The following TOR1AIP2 variants were observed in gnomAD, a reference collection of about 807,000 sequenced individuals.
TOR1AIP2 encodes the protein torsin 1A interacting protein 2.
In TOR1AIP2, 20 loss-of-function variants were observed where a neutral mutation model predicts 32.6. The observed-to-expected ratio is 0.61, with a 90% CI of 0.43 to 0.89. TOR1AIP2 has a LOEUF of 0.89. Among genes scored for constraint, TOR1AIP2 ranks in the 40% least tolerant of loss-of-function variants. The pLI is 0.00. For missense variants in TOR1AIP2, 456 were observed against 553.8 expected (o/e 0.82, Z 1.77); for synonymous variants, 214 against 210.8 (o/e 1.02, Z -0.13).
chr1:179,852,309 T>C (rs17279483), intron 4 of TOR1AIP2, among the ~76,000 whole-genome samples: 20,446 of 151,712 alleles, frequency 0.13, 1,741 homozygotes, highest in Non-Finnish European at 0.17. Flanking sequence ...AGATACCTTC[T>C]AAATATAGCA....
Position 179,851,024 on chromosome 1 carries a change from A to C in TOR1AIP2, c.374T>G (p.Val125Gly). The C allele has an allele frequency of 3.1e-6, 5 of 1,614,024 alleles. No individual in the cohort carries two copies. The highest frequency in any genetic ancestry group is 4.2e-6 in the Non-Finnish European group (5 of 1,179,986). Residue 125 changes from valine (V) to glycine (G), a missense_variant, in exon 5 of 7, where the codon GTA (valine) becomes GGA (glycine). Physicochemically the swap from Val to Gly is moderately radical, Grantham distance 109 (BLOSUM62 -3). Coordinates refer to ENST00000609928, the MANE Select transcript of TOR1AIP2 (RefSeq NM_001199260.2). ...PDPSHSPSDK[V>G]GRADAHLGSS... is the part of the protein sequence containing the mutation. Reference sequence around the variant, plus strand: ...CCCTAAGTGTGCATCTGCTCTTCCTACCTTGTCACTTGGAGAATGGCTGGG... The same window carrying C: ...CCCTAAGTGTGCATCTGCTCTTCCTCCCTTGTCACTTGGAGAATGGCTGGG...
intron 3 of TOR1AIP2, among the ~76,000 whole-genome samples, chr1:179,857,393 T>C (rs1377877699): frequency 6.6e-6 from 1 of 152,212 alleles, no homozygotes; most frequent in Non-Finnish European, 1.5e-5. Flanking sequence ...TCTCCATTTA[T>C]GGAGAACCTA....
chr1:179,871,298 C>G (rs1697002168), intron 2 of TOR1AIP2, among the ~76,000 whole-genome samples: 1 of 152,064 alleles, frequency 6.6e-6, no homozygotes, highest in East Asian at 1.9e-4. Context: ...TGTATGTAAA[C>G]TAAAATAAAT....
chr1:179,858,422 A>G (rs1021437755), intron 3 of TOR1AIP2, among the ~76,000 whole-genome samples: 1 of 151,824 alleles, frequency 6.6e-6, no homozygotes, highest in Non-Finnish European at 1.5e-5. Context: ...CTGTACACAT[A>G]AAGTTTCCTT....
intron 3 of TOR1AIP2, chr1:179,859,062 C>A: frequency 1.0e-6 from 1 of 983,472 alleles, no homozygotes; most frequent in Non-Finnish European, 1.2e-6. Context: ...TTTTTAAACA[C>A]AATTTTATTT....
At chr1:179,865,220 G>A (rs1421464059) in intron 3 of TOR1AIP2, 2 of 1,543,850 alleles carry the variant, frequency 1.3e-6, no homozygotes, top group East Asian at 2.3e-5. Context: ...GACAGCAAGA[G>A]ACAACAGTGA....
intron 3 of TOR1AIP2, chr1:179,863,931 C>A: frequency 2.0e-6 from 2 of 985,358 alleles, no homozygotes; most frequent in Non-Finnish European, 2.4e-6. Context: ...CTCCTTAGTT[C>A]TAAGAAAGAT....
intron 2 of TOR1AIP2, among the ~76,000 whole-genome samples, chr1:179,872,032 C>CT (rs1697028964): frequency 6.6e-6 from 1 of 152,160 alleles, no homozygotes; most frequent in Non-Finnish European, 1.5e-5. Flanking sequence ...ATCTTCAGTA[C>CT]TATTTAGTAC....
chr1:179,850,008 C>T (rs1326955474), intron 5 of TOR1AIP2, among the ~76,000 whole-genome samples: 1 of 152,178 alleles, frequency 6.6e-6, no homozygotes, highest in African/African-American at 2.4e-5. Flanking sequence ...ATGAACAGAA[C>T]ATCTTATATT....
intron 2 of TOR1AIP2, among the ~76,000 whole-genome samples, chr1:179,876,988 AT>A (rs11359156): frequency 0.31 from 44,834 of 146,792 alleles, 7,113 homozygotes; most frequent in Non-Finnish European, 0.37. Context: ...TTTAGCACCA[AT>A]TTTTTTTTTT....
rs1696172817 is a variant in TOR1AIP2 at position 179,852,983 on chromosome 1, GAA to G, written c.-146-174_-146-173del. Among the ~76,000 whole-genome samples the G allele has an allele frequency of 2.0e-5, 3 of 152,100 alleles. No individual in the cohort carries two copies. In the South Asian group the frequency reaches 6.2e-4, roughly 32 times the overall value. On this transcript the variant is annotated intron_variant, in intron 3 of 6. Transcript: ENST00000609928. ...ATCATATTCCAAATCCTAGACTACT[GAA>G]AAAAGCTCCAGATTATTAATCTTTC...
At chr1:179,852,876 G>T in intron 3 of TOR1AIP2, 65 bp from the exon 4 acceptor site, 1 of 1,162,534 alleles carries the variant, frequency 8.6e-7, no homozygotes, top group Non-Finnish European at 1.1e-6. Context: ...GCAAGTATCA[G>T]CTTTATTTAT....
Position 179,846,408 on chromosome 1 carries a change from T to TGGC in TOR1AIP2, c.1073_1075dup (p.Gly358_Gln359insArg). The TGGC allele has an allele frequency of 6.2e-7, 1 of 1,614,178 alleles. No homozygotes were observed. Among genetic ancestry groups the TGGC allele is most frequent in the Admixed American group, 1.7e-5 (1 of 60,024 alleles). On this transcript the variant is annotated inframe_insertion, in exon 7 of 7. Transcript: ENST00000609928. Reference sequence around the variant, plus strand: ...GAAGTGGTGTACCACAGCAGCCTTCTGGCCATTCTCAAACCCATAGCTCAG... The same window carrying TGGC: ...GAAGTGGTGTACCACAGCAGCCTTCTGGCGGCCATTCTCAAACCCATAGCTCAG...
intron 3 of TOR1AIP2, chr1:179,862,421 A>G: frequency 1.0e-6 from 1 of 985,330 alleles, no homozygotes; most frequent in Admixed American, 6.1e-5. Context: ...TTAGTGATAA[A>G]CTAACTAGTC....
chr1:179,861,694 C>A (rs941712629), intron 3 of TOR1AIP2: 3 of 985,206 alleles, frequency 3.0e-6, no homozygotes, highest in Non-Finnish European at 3.6e-6. Context: ...TTTACATAGC[C>A]AGTATTACCA....
intron 3 of TOR1AIP2, chr1:179,861,921 A>G: frequency 1.0e-6 from 1 of 961,004 alleles, no homozygotes; most frequent in Non-Finnish European, 1.2e-6. Context: ...GCTGGTCTTG[A>G]ACTCCTGGGC....
In TOR1AIP2 at chr1:179,842,209, A is replaced by G. The variant is rs1695742974; in HGVS notation, c.*3862T>C. 1 of 152,124 alleles carries G rather than the reference A, an allele frequency of 6.6e-6. No individual in the cohort carries two copies. The highest frequency in any genetic ancestry group is 1.5e-5 in the Non-Finnish European group (1 of 68,042). 9.4% of individuals were successfully genotyped at this position (152,124 alleles called of 1,614,324 possible). ...AAGAGTGAAACTCTGTCTCAAAAAA[A>G]AAAAAAGGCTGTTAAAGGGTCAAAA... On this transcript the variant is annotated 3_prime_UTR_variant, in exon 7 of 7. Coordinates refer to ENST00000609928, the MANE Select transcript of TOR1AIP2 (RefSeq NM_001199260.2).
At chr1:179,874,970 C>A in intron 2 of TOR1AIP2, 1 of 153,544 alleles carries the variant, frequency 6.5e-6, no homozygotes, top group Non-Finnish European at 1.4e-5. Context: ...TGGTGTTTCT[C>A]TCTCTCTCTC....
At chr1:179,864,293 C>T (rs1367728706) in intron 3 of TOR1AIP2, 1 of 985,230 alleles carries the variant, frequency 1.0e-6, no homozygotes, top group African/African-American at 1.7e-5. Flanking sequence ...ATATATATAT[C>T]TCATCACTGA....
Sources: allele counts gnomAD v4.1 joint callset (sites outside exome capture counted in the v4.1 genomes callset), GRCh38; gene constraint gnomAD v4.1.1; transcripts MANE v1.5; gene names NCBI Gene and HGNC (gene_info 2026-07-23, HGNC 2026-07-21).